Variants in NWD2 observed in about 807,000 individuals in gnomAD.
The protein encoded by NWD2 is NACHT and WD repeat domain containing 2, also known as NACHT and WD repeat domain-containing protein 2.
Under a neutral mutation model 132.7 loss-of-function variants are expected in NWD2, and 37 were observed. That is an observed-to-expected ratio of 0.28 (90% CI 0.21 to 0.37). The LOEUF is 0.37. Among genes scored for constraint, NWD2 ranks in the 10% least tolerant of loss-of-function variants. NWD2 has a pLI of 1.00. For synonymous variants in NWD2, 705 were observed against 803.0 expected (o/e 0.88, Z 2.06); for missense variants, 1,592 against 2,122.4 (o/e 0.75, Z 4.91).
At position 37,389,862 on chromosome 4, in the gene NWD2, C is replaced by A. The variant is rs577633486; in HGVS notation, c.357+33380C>A. ...GTGGCACAGTCTCGGCTCACTGCAA[C>A]CTCTACCTCCCGGGTTCAAGAGATT... On this transcript the variant is annotated intron_variant, in intron 3 of 6. Transcript: ENST00000309447. 2.4e-3 allele frequency among the ~76,000 whole-genome samples: 364 copies of A among 152,134 alleles called. 2 individuals carry two copies. Among genetic ancestry groups the A allele is most frequent in the Non-Finnish European group, 4.1e-3 (282 of 68,002 alleles).
chr4:37,401,876 G>A (rs1465761674), intron 3 of NWD2, among the ~76,000 whole-genome samples: 2 of 152,114 alleles, frequency 1.3e-5, no homozygotes, highest in Admixed American at 6.6e-5. Flanking sequence ...ACCTTCCTCT[G>A]TGTTCCAGTG....
intron 1 of NWD2, among the ~76,000 whole-genome samples, chr4:37,260,182 A>G (rs1298772834): frequency 6.6e-6 from 1 of 152,146 alleles, no homozygotes; most frequent in Non-Finnish European, 1.5e-5. Context: ...ATGAGGTGTG[A>G]CGTTCTTGTC....
intron 4 of NWD2, among the ~76,000 whole-genome samples, chr4:37,432,174 C>T (rs1712197371): frequency 6.6e-6 from 1 of 151,972 alleles, no homozygotes; most frequent in Non-Finnish European, 1.5e-5. Context: ...TCTGTTCTTT[C>T]CTTGTGCTCC....
At chr4:37,264,347 C>G (rs189980239) in intron 1 of NWD2, among the ~76,000 whole-genome samples, 1 of 152,196 alleles carries the variant, frequency 6.6e-6, no homozygotes, top group East Asian at 1.9e-4. Context: ...AATTTCTCTC[C>G]TGTAAGTAAA....
At chr4:37,392,374 C>T (rs1055526909) in intron 3 of NWD2, among the ~76,000 whole-genome samples, 7 of 152,048 alleles carry the variant, frequency 4.6e-5, no homozygotes, top group South Asian at 2.1e-4. Context: ...CATTTAGATC[C>T]GGGTTTCCCA....
chr4:37,281,140 AACC>A (rs1176498666), intron 1 of NWD2, among the ~76,000 whole-genome samples: 1 of 152,120 alleles, frequency 6.6e-6, no homozygotes, highest in Non-Finnish European at 1.5e-5. Context: ...GGTTAAAAAC[AACC>A]ACAACAAAAT....
At chr4:37,352,820 G>A (rs983095631) in intron 2 of NWD2, among the ~76,000 whole-genome samples, 1 of 152,134 alleles carries the variant, frequency 6.6e-6, no homozygotes, top group Non-Finnish European at 1.5e-5. Flanking sequence ...TTGCCAGCCT[G>A]TGTCTTTTAA....
intron 5 of NWD2, among the ~76,000 whole-genome samples, chr4:37,437,286 G>A (rs543229636): frequency 2.6e-5 from 4 of 152,202 alleles, no homozygotes; most frequent in East Asian, 3.9e-4. Context: ...CCAACTTCCC[G>A]CTCACAGATG....
At position 37,446,146 on chromosome 4, in the gene NWD2, C is replaced by G; in HGVS notation, c.4158C>G (p.Thr1386=). The change falls in exon 7 of 7, where the codon ACC becomes ACG. Residue 1386 remains threonine (T), a synonymous_variant. Transcript: ENST00000309447. This position sits in a 1 kb window ranked among gnomAD's most constrained non-coding sequence, Gnocchi z 6.7. ...DDKSSQYVWH[T]SSGENLFRIN... Reference sequence around the variant, plus strand: ...AAAGCAGCCAGTATGTCTGGCACACCAGCAGTGGTGAAAACCTTTTTCGAA... The same window carrying G: ...AAAGCAGCCAGTATGTCTGGCACACGAGCAGTGGTGAAAACCTTTTTCGAA... 1 of 1,551,712 alleles carries G rather than the reference C, an allele frequency of 6.4e-7. No individual in the cohort carries two copies. The highest frequency in any genetic ancestry group is 2.0e-5 in the Admixed American group (1 of 51,008).
At chr4:37,310,631 T>A (rs889212886) in intron 1 of NWD2, among the ~76,000 whole-genome samples, 2 of 152,076 alleles carry the variant, frequency 1.3e-5, no homozygotes, top group Non-Finnish European at 2.9e-5. Context: ...TGTAGGGATT[T>A]TTTTTTTAAT....
intron 1 of NWD2, among the ~76,000 whole-genome samples, chr4:37,257,136 A>G (rs1203097645): frequency 6.6e-6 from 1 of 152,110 alleles, no homozygotes; most frequent in Non-Finnish European, 1.5e-5. Flanking sequence ...CCTGGCCAAC[A>G]AGGAGAATGA....
intron 1 of NWD2, among the ~76,000 whole-genome samples, chr4:37,279,694 C>G (rs908469555): frequency 1.3e-5 from 2 of 152,156 alleles, no homozygotes; most frequent in Non-Finnish European, 2.9e-5. Flanking sequence ...ACTTTACATG[C>G]AGATTATATT....
intron 1 of NWD2, among the ~76,000 whole-genome samples, chr4:37,314,603 A>G (rs1037194130): frequency 6.6e-6 from 1 of 152,158 alleles, no homozygotes; most frequent in African/African-American, 2.4e-5. Context: ...TAACTTCTGT[A>G]GCATCAGTAG....
intron 4 of NWD2, among the ~76,000 whole-genome samples, chr4:37,431,190 C>T (rs1005721405): frequency 6.6e-6 from 1 of 152,120 alleles, no homozygotes; most frequent in Admixed American, 6.5e-5. Flanking sequence ...GAAGAGATAT[C>T]CACACTCCCA....
chr4:37,362,765 A>G (rs1306747031), intron 3 of NWD2, among the ~76,000 whole-genome samples: 1 of 152,216 alleles, frequency 6.6e-6, no homozygotes, highest in Non-Finnish European at 1.5e-5. Flanking sequence ...ATAATTTATT[A>G]GTAAGTCCTC....
intron 1 of NWD2, among the ~76,000 whole-genome samples, chr4:37,245,514 G>A (rs1282843672): frequency 6.7e-6 from 1 of 150,238 alleles, no homozygotes. Flanking sequence ...GCTCCATTCT[G>A]CCGCCGCCGC....
intron 1 of NWD2, among the ~76,000 whole-genome samples, chr4:37,245,849 T>A (rs1442445173): frequency 2.0e-5 from 3 of 152,180 alleles, no homozygotes; most frequent in Non-Finnish European, 4.4e-5. Context: ...CTTGGTCTTC[T>A]GTATCTAAAA....
Position 37,444,257 on chromosome 4 carries a change from A to T in NWD2, c.2269A>T (p.Thr757Ser). 6.4e-7 allele frequency: 1 copy of T among 1,551,704 alleles called. No homozygotes were observed. The highest frequency in any genetic ancestry group is 8.7e-7 in the Non-Finnish European group (1 of 1,146,988). Residue 757 changes from threonine to serine, a missense_variant, in exon 7 of 7, where the codon ACC (threonine) becomes TCC (serine). Thr to Ser is a moderately conservative substitution (Grantham distance 58). Coordinates refer to ENST00000309447, the MANE Select transcript of NWD2 (RefSeq NM_001144990.2). The surrounding 1 kb of genome is among the most constrained non-coding windows in gnomAD (Gnocchi z 4.8). ...TGACAATGACCTGCGTGAAATGCAC[A>T]CCATCTTAGCAGATTATTTTCTGGG... ...QDDNDLREMH[T>S]ILADYFLGVW...
intron 3 of NWD2, among the ~76,000 whole-genome samples, chr4:37,412,601 G>A (rs979547960): frequency 6.6e-6 from 1 of 151,974 alleles, no homozygotes; most frequent in Non-Finnish European, 1.5e-5. Context: ...AAGCTACCAT[G>A]GACTTTCTTC....
Sources: allele counts gnomAD v4.1 joint callset (sites outside exome capture counted in the v4.1 genomes callset), GRCh38; gene constraint gnomAD v4.1.1; non-coding constraint Gnocchi (gnomAD v3.1); transcripts MANE v1.5; gene names NCBI Gene and HGNC (gene_info 2026-07-23, HGNC 2026-07-21).